The following LIMCH1 variants were observed in gnomAD, a reference collection of about 807,000 sequenced individuals.
LIMCH1 encodes LIM and calponin homology domains 1.
In LIMCH1, 113 loss-of-function variants were observed where a neutral mutation model predicts 176.5. The ratio of observed to expected loss-of-function variants is 0.64; its 90% CI spans 0.55 to 0.75. The LOEUF is 0.75. Among genes scored for constraint, LIMCH1 ranks in the 30% least tolerant of loss-of-function variants. The pLI is 0.00. For missense variants in LIMCH1, 1,674 were observed against 1,814.9 expected (o/e 0.92, Z 1.41); for synonymous variants, 619 against 645.9 (o/e 0.96, Z 0.63).
chr4:41,614,804 A>G (rs973519863), intron 5 of LIMCH1, among the ~76,000 whole-genome samples: 2 of 152,212 alleles, frequency 1.3e-5, no homozygotes, highest in Non-Finnish European at 2.9e-5. Context: ...CTCAACATTT[A>G]CAAGTTACAA....
chr4:41,510,005 C>A (rs1048422197), intron 2 of LIMCH1, among the ~76,000 whole-genome samples: 1 of 152,144 alleles, frequency 6.6e-6, no homozygotes, highest in Non-Finnish European at 1.5e-5. Context: ...TTATACGATC[C>A]TTGTCACTTC....
chr4:41,442,272 C>T lies in LIMCH1; in HGVS notation c.97-52264C>T, dbSNP rs1328140742. Among the ~76,000 whole-genome samples, 6 of 152,074 alleles carry T rather than the reference C, an allele frequency of 3.9e-5. No homozygotes were observed. The East Asian group carries it at 1.2e-3, about 29-fold the overall frequency. ...CCATGATTATGTTACTGCCTTCCAG[C>T]CTGGGCAACAGAGCCAGACCCTGTC... On this transcript the variant is annotated intron_variant, in intron 1 of 26. Coordinates refer to the LIMCH1 transcript ENST00000313860.
intron 5 of LIMCH1, among the ~76,000 whole-genome samples, chr4:41,618,281 A>C (rs1434267525): frequency 1.3e-5 from 2 of 152,202 alleles, no homozygotes; most frequent in African/African-American, 2.4e-5. Context: ...TAGATCCTAG[A>C]AATCTAATAA....
At chr4:41,568,799 A>C (rs2083113155) in intron 1 of LIMCH1, among the ~76,000 whole-genome samples, 1 of 152,248 alleles carries the variant, frequency 6.6e-6, no homozygotes, top group Non-Finnish European at 1.5e-5. Flanking sequence ...ATAAACATTT[A>C]AAAGTTTTCT....
At position 41,620,623 on chromosome 4, in the gene LIMCH1, A is replaced by T. The variant is rs1251768699; in HGVS notation, c.658A>T (p.Ile220Phe). ...PKSEEKDAAE[I>F]QKRKRLEQAG... ...GTCTGAAGAAAAAGATGCTGCTGAG[A>T]TCCAAAAGCGCAAAAGGCTAGAGCA... The change falls in exon 7 of 32, where the codon ATC becomes TTC. Residue 220 changes from isoleucine (I) to phenylalanine (F), a missense_variant. Physicochemically the swap from Ile to Phe is conservative, Grantham distance 21. Transcript: ENST00000503057. The T allele has an allele frequency of 6.5e-7, 1 of 1,536,164 alleles. No homozygotes were observed. Among genetic ancestry groups the T allele is most frequent in the Non-Finnish European group, 8.7e-7 (1 of 1,146,914 alleles).
chr4:41,682,017 A>G (rs1716393636), intron 25 of LIMCH1, among the ~76,000 whole-genome samples: 3 of 152,226 alleles, frequency 2.0e-5, no homozygotes, highest in Non-Finnish European at 1.5e-5. Flanking sequence ...TGGGTGGTCC[A>G]TAATCCACGT....
At chr4:41,371,127 C>G (rs1581136836) in intron 1 of LIMCH1, among the ~76,000 whole-genome samples, 1 of 152,174 alleles carries the variant, frequency 6.6e-6, no homozygotes, top group East Asian at 1.9e-4. Flanking sequence ...AGCGAAACTT[C>G]TAAAAAGATC....
At chr4:41,601,828 CAT>C (rs1408946062) in intron 2 of LIMCH1, among the ~76,000 whole-genome samples, 1 of 152,060 alleles carries the variant, frequency 6.6e-6, no homozygotes, top group African/African-American at 2.4e-5. Context: ...ATGCTTGTAA[CAT>C]ATGCAGATTT....
At chr4:41,430,336 C>T (rs1197936691) in intron 1 of LIMCH1, among the ~76,000 whole-genome samples, 1 of 152,172 alleles carries the variant, frequency 6.6e-6, no homozygotes, top group Non-Finnish European at 1.5e-5. Context: ...GATCTTGGCT[C>T]ACCACAATCT....
intron 1 of LIMCH1, among the ~76,000 whole-genome samples, chr4:41,436,271 C>T (rs1017073182): frequency 5.9e-5 from 9 of 152,260 alleles, no homozygotes; most frequent in Admixed American, 5.2e-4. Context: ...CGCACTTCTC[C>T]GCCTGTGTAG....
intron 24 of LIMCH1, 64 bp downstream of exon 24, chr4:41,680,162 C>T (rs993354867): frequency 1.1e-5 from 12 of 1,111,812 alleles, no homozygotes; most frequent in African/African-American, 9.2e-5. Flanking sequence ...TAGCAACACT[C>T]TCTGTGTCTG....
chr4:41,695,784 C>A (rs1405517429), intron 31 of LIMCH1, among the ~76,000 whole-genome samples: 1 of 151,880 alleles, frequency 6.6e-6, no homozygotes, highest in Non-Finnish European at 1.5e-5. Context: ...CTGTTTAATT[C>A]TTTGCTGATG....
At chr4:41,633,921 A>G (rs2093453829) in intron 13 of LIMCH1, 113 bp downstream of exon 13, 2 of 1,225,040 alleles carry the variant, frequency 1.6e-6, no homozygotes, top group Non-Finnish European at 2.2e-6. Flanking sequence ...GCTAGCAGAA[A>G]CAGAATGATC....
At chr4:41,500,117 A>T (rs543135067) in intron 2 of LIMCH1, among the ~76,000 whole-genome samples, 1 of 152,228 alleles carries the variant, frequency 6.6e-6, no homozygotes, top group Non-Finnish European at 1.5e-5. Context: ...TATGAGTGAT[A>T]ATTGGTCAAG....
chr4:41,433,771 G>A (rs939906573), intron 1 of LIMCH1, among the ~76,000 whole-genome samples: 1 of 151,458 alleles, frequency 6.6e-6, no homozygotes, highest in African/African-American at 2.4e-5. Context: ...ACCATATCCT[G>A]TTGGTCAAAG....
intron 2 of LIMCH1, among the ~76,000 whole-genome samples, chr4:41,600,676 C>G (rs1388323622): frequency 6.6e-6 from 1 of 152,044 alleles, no homozygotes; most frequent in Non-Finnish European, 1.5e-5. Context: ...GGTTAAGCTC[C>G]CTTCTTCAGC....
chr4:41,627,475 GA>G (rs200306505), intron 8 of LIMCH1, among the ~76,000 whole-genome samples: 5 of 150,758 alleles, frequency 3.3e-5, no homozygotes, highest in Admixed American at 6.6e-5. Flanking sequence ...GATGTTGGAA[GA>G]AAAAAAAATG....
At chr4:41,594,373 A>G (rs6822981) in intron 1 of LIMCH1, among the ~76,000 whole-genome samples, 52,165 of 152,136 alleles carry the variant, frequency 0.34, 14,126 homozygotes, top group African/African-American at 0.76. Flanking sequence ...ATAGTAAAGC[A>G]GTGTCTTGTA....
intron 1 of LIMCH1, among the ~76,000 whole-genome samples, chr4:41,405,029 T>C (rs569472194): frequency 1.3e-5 from 2 of 152,320 alleles, no homozygotes; most frequent in South Asian, 4.1e-4. Flanking sequence ...TGTCAATTTT[T>C]AGTTGCACTC....
Sources: gnomAD v4.1 joint callset for allele counts (sites outside exome capture counted in the v4.1 genomes callset) on GRCh38, gnomAD v4.1.1 for gene constraint, MANE v1.5 for transcripts, NCBI Gene and HGNC (gene_info 2026-07-23, HGNC 2026-07-21) for gene names.